Variants in RBFOX1 observed in about 807,000 individuals in gnomAD.
The protein encoded by RBFOX1 is RNA binding protein fox-1 homolog 1.
In RBFOX1, 8 loss-of-function variants were observed where a neutral mutation model predicts 57.7. That is an observed-to-expected ratio of 0.14 (90% CI 0.08 to 0.25). The LOEUF (loss-of-function observed/expected upper bound fraction) is 0.25, where lower values mean the gene tolerates loss of function less well. RBFOX1 is among the 10% of genes least tolerant of loss of function. The pLI, the probability that RBFOX1 is intolerant of heterozygous loss-of-function variation, is 1.00. For synonymous variants in RBFOX1, 326 were observed against 222.4 expected (o/e 1.47, Z -4.15); for missense variants, 611 against 548.5 (o/e 1.11, Z -1.14).
At chr16:7,356,310 A>G (rs1430136714) in intron 4 of RBFOX1, among the ~76,000 whole-genome samples, 2 of 152,148 alleles carry the variant, frequency 1.3e-5, no homozygotes, top group African/African-American at 4.8e-5. Context: ...CTAAGCAACA[A>G]AAGACTGAAA....
intron 2 of RBFOX1, among the ~76,000 whole-genome samples, chr16:6,625,328 C>T (rs1034611071): frequency 1.3e-5 from 2 of 152,028 alleles, no homozygotes; most frequent in African/African-American, 4.8e-5. Context: ...AAAAATGTAG[C>T]TAATTTCTTC....
intron 3 of RBFOX1, among the ~76,000 whole-genome samples, chr16:6,811,969 G>C (rs978117157): frequency 3.3e-5 from 5 of 152,276 alleles, no homozygotes; most frequent in East Asian, 1.9e-4. Flanking sequence ...ATTTCTTACA[G>C]ATGTTGTTTC....
intron 12 of RBFOX1, among the ~76,000 whole-genome samples, chr16:7,662,218 T>C (rs1258040649): frequency 6.6e-6 from 1 of 152,188 alleles, no homozygotes; most frequent in Admixed American, 6.5e-5. Flanking sequence ...TAGAAGTCAT[T>C]ATTTCCCATA....
intron 12 of RBFOX1, among the ~76,000 whole-genome samples, chr16:7,663,245 C>T (rs1046374236): frequency 3.3e-5 from 5 of 152,196 alleles, no homozygotes; most frequent in East Asian, 3.9e-4. Context: ...TAGCTCAGGA[C>T]GATGCACACC....
intron 3 of RBFOX1, among the ~76,000 whole-genome samples, chr16:5,690,264 C>G: frequency 6.6e-6 from 1 of 152,214 alleles, no homozygotes. Context: ...ATCACAGTGT[C>G]ATCAATGCCA....
intron 4 of RBFOX1, among the ~76,000 whole-genome samples, chr16:5,956,759 C>A (rs1425371040): frequency 6.8e-6 from 1 of 147,626 alleles, no homozygotes; most frequent in Non-Finnish European, 1.5e-5. Flanking sequence ...GCCTAGACCT[C>A]CTGGGGCTCA....
At chr16:6,675,813 A>G (rs1035691976) in intron 3 of RBFOX1, among the ~76,000 whole-genome samples, 30 of 152,080 alleles carry the variant, frequency 2.0e-4, no homozygotes, top group African/African-American at 6.8e-4. Flanking sequence ...CGAATCAATT[A>G]TCTCCCACCA....
At chr16:7,264,579 G>C (rs1567950727) in intron 4 of RBFOX1, among the ~76,000 whole-genome samples, 1 of 152,162 alleles carries the variant, frequency 6.6e-6, no homozygotes, top group African/African-American at 2.4e-5. Flanking sequence ...GCCACAGATA[G>C]ATAACATGCA....
rs147130799 is a variant in RBFOX1 at position 7,584,674 on chromosome 16, C to T, written c.415-2573C>T. Among the ~76,000 whole-genome samples, 7 of 152,306 alleles carry T rather than the reference C, an allele frequency of 4.6e-5. No individual in the cohort carries two copies. The East Asian group carries it at 1.2e-3, about 25-fold the overall frequency. On this transcript the variant is annotated intron_variant, in intron 6 of 15. Coordinates refer to ENST00000550418, the MANE Select transcript of RBFOX1 (RefSeq NM_018723.4). ...AATGCAGCTGAACATTGATGTTGAG[C>T]AAACAAATGCTAGTTATGTCTGCGA...
At chr16:5,624,461 T>C (rs1021796530) in intron 3 of RBFOX1, among the ~76,000 whole-genome samples, 1 of 152,246 alleles carries the variant, frequency 6.6e-6, no homozygotes, top group Non-Finnish European at 1.5e-5. Flanking sequence ...CCTCCCAAAG[T>C]TCTGGGATCA....
At chr16:6,904,333 G>A (rs2069222607) in intron 3 of RBFOX1, among the ~76,000 whole-genome samples, 1 of 152,034 alleles carries the variant, frequency 6.6e-6, no homozygotes, top group Non-Finnish European at 1.5e-5. Flanking sequence ...AGGTGGGCTG[G>A]CTCATGCCTG....
In RBFOX1 at chr16:7,249,313, G is replaced by A. The variant is rs554193836; in HGVS notation, c.27+197215G>A. ...CTATTGGATGAACCCTGAAAGTGGTGCAATAGAGAATAAATAAGATAGGAG... is the reference window on the plus strand; with the variant it reads ...CTATTGGATGAACCCTGAAAGTGGTACAATAGAGAATAAATAAGATAGGAG... On this transcript the variant is annotated intron_variant, in intron 4 of 15. Transcript: ENST00000550418. Among the ~76,000 whole-genome samples, 192 of 152,040 alleles carry A rather than the reference G, an allele frequency of 1.3e-3. 1 individual carries two copies. The highest frequency in any genetic ancestry group is 4.6e-3 in the African/African-American group (191 of 41,462).
chr16:6,716,630 C>A (rs1210949742), intron 3 of RBFOX1, among the ~76,000 whole-genome samples: 2 of 152,208 alleles, frequency 1.3e-5, no homozygotes, highest in East Asian at 3.9e-4. Flanking sequence ...GACTAACACT[C>A]CCCTTGGACC....
intron 4 of RBFOX1, among the ~76,000 whole-genome samples, chr16:7,307,818 A>G (rs764688061): frequency 1.3e-5 from 2 of 152,208 alleles, no homozygotes; most frequent in African/African-American, 4.8e-5. Context: ...GGAACGGACA[A>G]GTAGTCCTTG....
chr16:5,579,453 A>G (rs1596331706), intron 2 of RBFOX1, among the ~76,000 whole-genome samples: 7 of 151,928 alleles, frequency 4.6e-5, no homozygotes, highest in Admixed American at 3.9e-4. Context: ...CCATGTGTGC[A>G]CTCGTAGAAT....
At chr16:7,230,699 G>C (rs536655850) in intron 4 of RBFOX1, among the ~76,000 whole-genome samples, 1 of 152,294 alleles carries the variant, frequency 6.6e-6, no homozygotes, top group East Asian at 1.9e-4. Context: ...GAGCCACTTG[G>C]AGTTGAAAGT....
intron 2 of RBFOX1, among the ~76,000 whole-genome samples, chr16:5,523,739 T>C (rs2044119837): frequency 6.6e-6 from 1 of 152,226 alleles, no homozygotes; most frequent in Non-Finnish European, 1.5e-5. Flanking sequence ...CTGTCTTCAA[T>C]TTTTTGACAA....
At chr16:7,098,076 G>C (rs1340586477) in intron 4 of RBFOX1, among the ~76,000 whole-genome samples, 1 of 152,190 alleles carries the variant, frequency 6.6e-6, no homozygotes, top group East Asian at 1.9e-4. Flanking sequence ...AACTTAAAAG[G>C]CTAATCAAAC....
intron 4 of RBFOX1, among the ~76,000 whole-genome samples, chr16:5,945,341 A>G (rs2059380445): frequency 1.3e-5 from 2 of 152,226 alleles, no homozygotes; most frequent in Admixed American, 6.5e-5. Context: ...GTGAGTTACA[A>G]TAAAGGTAAC....
Sources: gnomAD v4.1 joint callset for allele counts (sites outside exome capture counted in the v4.1 genomes callset) on GRCh38, gnomAD v4.1.1 for gene constraint, MANE v1.5 for transcripts, NCBI Gene and HGNC (gene_info 2026-07-23, HGNC 2026-07-21) for gene names.